Variants in XXYLT1 observed in about 807,000 individuals in gnomAD.
XXYLT1 encodes the protein xyloside xylosyltransferase 1, also known as UDP-xylose:alpha-xyloside alpha-1,3-xylosyltransferase.
Under a neutral mutation model 28.9 loss-of-function variants are expected in XXYLT1, and 20 were observed. The observed-to-expected ratio is 0.69, with a 90% CI of 0.49 to 1.00. XXYLT1 has a LOEUF of 1.00. Among genes scored for constraint, XXYLT1 ranks in the 50% least tolerant of loss-of-function variants. The pLI is 0.00. For missense variants in XXYLT1, 542 were observed against 560.1 expected (o/e 0.97, Z 0.33); for synonymous variants, 257 against 253.8 (o/e 1.01, Z -0.12).
intron 2 of XXYLT1, among the ~76,000 whole-genome samples, chr3:195,206,370 T>C (rs1415120123): frequency 6.6e-6 from 1 of 150,816 alleles, no homozygotes; most frequent in Non-Finnish European, 1.5e-5. Flanking sequence ...ATGAAACATG[T>C]AGTCAATTCA....
rs1035551303 is a variant in XXYLT1 at position 195,129,902 on chromosome 3, A to T, written c.785+26547T>A. 1.3e-5 allele frequency among the ~76,000 whole-genome samples: 2 copies of T among 152,186 alleles called. No homozygotes were observed. The highest frequency in any genetic ancestry group is 4.8e-5 in the African/African-American group (2 of 41,434). On this transcript the variant is annotated intron_variant, in intron 3 of 3. Coordinates refer to ENST00000310380, the MANE Select transcript of XXYLT1 (RefSeq NM_152531.5). The surrounding 1 kb of genome is among the most constrained non-coding windows in gnomAD (Gnocchi z 4.4). ...GAACAGCCAGACTGTTCTTCAGAGC[A>T]GCTGTACCACTTCATATTCCCACCA...
At chr3:195,088,254 A>G (rs1715891166) in intron 3 of XXYLT1, among the ~76,000 whole-genome samples, 2 of 151,280 alleles carry the variant, frequency 1.3e-5, no homozygotes, top group Admixed American at 1.3e-4. Flanking sequence ...ACAAAAAGAC[A>G]GCAGTAACCT....
intron 2 of XXYLT1, among the ~76,000 whole-genome samples, chr3:195,169,110 G>A (rs1229824878): frequency 6.6e-6 from 1 of 152,186 alleles, no homozygotes; most frequent in Non-Finnish European, 1.5e-5. Context: ...TGGCTGGGCT[G>A]GAGGCCTCTA....
intron 3 of XXYLT1, among the ~76,000 whole-genome samples, chr3:195,097,071 G>A (rs1266396492): frequency 1.3e-5 from 2 of 152,340 alleles, no homozygotes; most frequent in African/African-American, 2.4e-5. Context: ...CCTCTGCTGG[G>A]ACTTCCCATG....
At position 195,180,373 on chromosome 3, in the gene XXYLT1, C is replaced by A; in HGVS notation, c.653-23792G>T. 1.0e-6 allele frequency: 1 copy of A among 985,288 alleles called. No individual in the cohort carries two copies. The highest frequency in any genetic ancestry group is 1.2e-6 in the Non-Finnish European group (1 of 830,030). 61.0% of individuals were successfully genotyped at this position (985,288 alleles called of 1,614,324 possible). A position where few individuals can be genotyped will look rare whatever the true frequency, so the allele number is the denominator to read the frequency against. On this transcript the variant is annotated intron_variant, in intron 2 of 3. Transcript: ENST00000310380. This position sits in a 1 kb window ranked among gnomAD's most constrained non-coding sequence, Gnocchi z 5.8. Reference sequence around the variant, plus strand: ...TGGATGGTTTATCCCCCTGGCCCGCCTGGCCCTCAAGACACACTTCCTTCG... The same window carrying A: ...TGGATGGTTTATCCCCCTGGCCCGCATGGCCCTCAAGACACACTTCCTTCG...
intron 1 of XXYLT1, among the ~76,000 whole-genome samples, chr3:195,261,451 GAA>G (rs1038448142): frequency 6.6e-6 from 1 of 151,644 alleles, no homozygotes; most frequent in Non-Finnish European, 1.5e-5. Flanking sequence ...AAAAAGAAAA[GAA>G]AAAGGAAATT....
chr3:195,253,503 C>CTTTTTTT (rs1231480044), intron 1 of XXYLT1, among the ~76,000 whole-genome samples: 2 of 130,240 alleles, frequency 1.5e-5, no homozygotes, highest in African/African-American at 3.0e-5. Flanking sequence ...CTTTTTTTTT[C>CTTTTTTT]TTTTTTTTTT....
chr3:195,126,370 C>T (rs1363515783), intron 3 of XXYLT1, among the ~76,000 whole-genome samples: 1 of 152,314 alleles, frequency 6.6e-6, no homozygotes, highest in Admixed American at 6.5e-5. Flanking sequence ...CTGGTAAATG[C>T]GATTGGTCAT....
intron 3 of XXYLT1, among the ~76,000 whole-genome samples, chr3:195,072,921 T>C (rs891575882): frequency 6.6e-6 from 1 of 152,104 alleles, no homozygotes; most frequent in Non-Finnish European, 1.5e-5. Context: ...GTATTGGAGC[T>C]CGTGCGAGGA....
chr3:195,247,854 G>A (rs1440722372), intron 1 of XXYLT1: 2 of 701,428 alleles, frequency 2.9e-6, no homozygotes, highest in Admixed American at 4.0e-5. Flanking sequence ...GCAGGACAGA[G>A]AGAGAGAAGG....
chr3:195,261,017 G>C (rs1490207558), intron 1 of XXYLT1, among the ~76,000 whole-genome samples: 2 of 152,222 alleles, frequency 1.3e-5, no homozygotes, highest in Non-Finnish European at 2.9e-5. Flanking sequence ...GCGGGGTCCT[G>C]AAGTGCCTCC....
chr3:195,208,923 G>A (rs1237614113), intron 2 of XXYLT1, among the ~76,000 whole-genome samples: 1 of 152,184 alleles, frequency 6.6e-6, no homozygotes, highest in African/African-American at 2.4e-5. Context: ...ACAATCAGAA[G>A]CTCACTCCCA....
At chr3:195,166,560 A>G (rs1240201737) in intron 2 of XXYLT1, among the ~76,000 whole-genome samples, 3 of 152,146 alleles carry the variant, frequency 2.0e-5, no homozygotes, top group Non-Finnish European at 4.4e-5. Context: ...AAAAACAAAA[A>G]CACAGTTCCT....
In XXYLT1 at chr3:195,210,357, A is replaced by G. The variant is rs1004891185; in HGVS notation, c.652+16352T>C. 6.6e-6 allele frequency among the ~76,000 whole-genome samples: 1 copy of G among 152,202 alleles called. No homozygotes were observed. Among genetic ancestry groups the G allele is most frequent in the African/African-American group, 2.4e-5 (1 of 41,468 alleles). ...CACCAACCGGAAGGTGAGCTCCCCA[A>G]GGGCAGGACTGCTGTCGTGCCCCAG... On this transcript the variant is annotated intron_variant, in intron 2 of 3. Transcript: ENST00000310380. The surrounding 1 kb of genome is among the most constrained non-coding windows in gnomAD (Gnocchi z 4.8).
At position 195,206,419 on chromosome 3, in the gene XXYLT1, G is replaced by T. The variant is rs149628012; in HGVS notation, c.652+20290C>A. On this transcript the variant is annotated intron_variant, in intron 2 of 3. Transcript: ENST00000310380. ...TGCATGGATACTAGATGGCAATAAG[G>T]TGATTATTTATTGTTAGTTTTGCTA... Among the ~76,000 whole-genome samples the T allele has an allele frequency of 2.0e-5, 3 of 150,710 alleles. 1 individual carries two copies. Among genetic ancestry groups the T allele is most frequent in the African/African-American group, 4.9e-5 (2 of 40,912 alleles).
At chr3:195,172,399 GGC>G (rs1490080176) in intron 2 of XXYLT1, among the ~76,000 whole-genome samples, 1 of 152,154 alleles carries the variant, frequency 6.6e-6, no homozygotes, top group African/African-American at 2.4e-5. Context: ...TTCTCTCCGG[GGC>G]CAGGGGAAGT....
chr3:195,117,004 A>T (rs1019610315), intron 3 of XXYLT1, among the ~76,000 whole-genome samples: 1 of 152,128 alleles, frequency 6.6e-6, no homozygotes, highest in African/African-American at 2.4e-5. Flanking sequence ...ATCACAACTG[A>T]TGCTACGGGG....
At chr3:195,228,092 A>G (rs1163572632) in intron 1 of XXYLT1, among the ~76,000 whole-genome samples, 1 of 152,132 alleles carries the variant, frequency 6.6e-6, no homozygotes, top group African/African-American at 2.4e-5. Flanking sequence ...TGCTCCTAAG[A>G]GTTCTGCAAG....
Position 195,106,291 on chromosome 3 carries a change from C to CGGAGAGATGCTCTTGCTGTGTTTTTGAT in XXYLT1, c.786-36181_786-36180insATCAAAAACACAGCAAGAGCATCTCTCC, listed in dbSNP as rs1560097358. Among the ~76,000 whole-genome samples, 3 of 148,148 alleles carry CGGAGAGATGCTCTTGCTGTGTTTTTGAT rather than the reference C, an allele frequency of 2.0e-5. No individual in the cohort carries two copies. In the East Asian group the frequency reaches 5.8e-4, roughly 29 times the overall value. ...AGAGATGCTCTTGCTGTGTTTTTGA[C>CGGAGAGATGCTCTTGCTGTGTTTTTGAT]GGAGAGATGCTCTTGTTGTGTTTTT... On this transcript the variant is annotated intron_variant, in intron 3 of 3. Transcript: ENST00000310380.
Sources: gnomAD v4.1 joint callset for allele counts (sites outside exome capture counted in the v4.1 genomes callset) on GRCh38, gnomAD v4.1.1 for gene constraint, Gnocchi (gnomAD v3.1) non-coding constraint, MANE v1.5 for transcripts, NCBI Gene and HGNC (gene_info 2026-07-23, HGNC 2026-07-21) for gene names.